DNAH11: variants seen among roughly 807,000 people sequenced by gnomAD.
DNAH11 encodes the protein dynein axonemal heavy chain 11, also known as axonemal beta dynein heavy chain 11.
Under a neutral mutation model 526.0 loss-of-function variants are expected in DNAH11, and 442 were observed. That is an observed-to-expected ratio of 0.84 (90% CI 0.78 to 0.91). The LOEUF (loss-of-function observed/expected upper bound fraction) is 0.91. DNAH11 is among the 40% of genes least tolerant of loss of function. The pLI, the probability that DNAH11 is intolerant of heterozygous loss-of-function variation, is 0.00. For missense variants in DNAH11, 6,989 were observed against 5,448.7 expected (o/e 1.28, Z -8.90); for synonymous variants, 2,461 against 1,935.9 (o/e 1.27, Z -7.12).
At chr7:21,578,084 A>G (rs1012035231) in intron 8 of DNAH11, among the ~76,000 whole-genome samples, 3 of 152,156 alleles carry the variant, frequency 2.0e-5, no homozygotes, top group African/African-American at 7.2e-5. Flanking sequence ...CCTTCTTCAC[A>G]TAGTGTTCAG....
chr7:21,613,915 A>C (rs150064560), intron 20 of DNAH11, among the ~76,000 whole-genome samples: 1 of 149,150 alleles, frequency 6.7e-6, no homozygotes, highest in African/African-American at 2.5e-5. Context: ...CTATAGGCAC[A>C]TGCCACCATG....
In DNAH11 at chr7:21,601,597, G is replaced by A. The variant is rs1212479400; in HGVS notation, c.3627G>A (p.Glu1209=). ...LLESYGQKMP[E]QVYIQLEELP... is the part of the protein sequence containing the mutation. ...AAAGCTATGGCCAGAAGATGCCTGAGCAGGTCTATATTCAGCTAGAGGTAA... is the reference window on the plus strand; with the variant it reads ...AAAGCTATGGCCAGAAGATGCCTGAACAGGTCTATATTCAGCTAGAGGTAA... The change falls in exon 18 of 82, where the codon GAG becomes GAA. Residue 1209 remains glutamate (E), a synonymous_variant. Transcript: ENST00000409508. 2 of 1,593,400 alleles carry A rather than the reference G, an allele frequency of 1.3e-6. No homozygotes were observed. Among genetic ancestry groups the A allele is most frequent in the Non-Finnish European group, 1.7e-6 (2 of 1,165,418 alleles).
intron 15 of DNAH11, 35 bp from the exon 16 acceptor site, chr7:21,600,641 T>G: frequency 1.3e-6 from 2 of 1,543,660 alleles, no homozygotes; most frequent in African/African-American, 1.4e-5. Context: ...TAAGGTTGGT[T>G]TGAATAGTAA....
Position 21,895,719 on chromosome 7 carries a change from A to G in DNAH11, c.13049+720A>G, listed in dbSNP as rs770043813. ...TAGTGGAGACTCTTTACATTGTAGC[A>G]TGCACACTTTTGACTTTTCTTTCTT... is the stretch of plus-strand genomic sequence containing the variant. On this transcript the variant is annotated intron_variant, in intron 79 of 81. Transcript: ENST00000409508. Among the ~76,000 whole-genome samples, 50 of 152,054 alleles carry G rather than the reference A, an allele frequency of 3.3e-4. 1 individual carries two copies. Among genetic ancestry groups the G allele is most frequent in the Non-Finnish European group, 5.4e-4 (37 of 68,006 alleles).
At chr7:21,693,289 C>G (rs759670004) in intron 35 of DNAH11, among the ~76,000 whole-genome samples, 1 of 152,180 alleles carries the variant, frequency 6.6e-6, no homozygotes, top group African/African-American at 2.4e-5. Context: ...AAATGCTAAA[C>G]AGTCCTTCGG....
intron 65 of DNAH11, among the ~76,000 whole-genome samples, chr7:21,819,330 T>C (rs891942346): frequency 2.6e-5 from 4 of 152,190 alleles, no homozygotes; most frequent in African/African-American, 9.7e-5. Flanking sequence ...CTTCTTGGTC[T>C]CTAACTGATT....
intron 28 of DNAH11, among the ~76,000 whole-genome samples, chr7:21,645,324 T>C (rs1392658067): frequency 6.6e-6 from 1 of 152,204 alleles, no homozygotes; most frequent in African/African-American, 2.4e-5. Context: ...TACTGTTCTT[T>C]CTGGAAACAA....
intron 40 of DNAH11, among the ~76,000 whole-genome samples, chr7:21,709,561 C>T (rs964979030): frequency 6.6e-6 from 1 of 152,142 alleles, no homozygotes; most frequent in Admixed American, 6.5e-5. Context: ...GCATGTGTAT[C>T]ATCTGAACCT....
intron 28 of DNAH11, among the ~76,000 whole-genome samples, chr7:21,643,608 A>T (rs115764372): frequency 2.0e-3 from 308 of 152,332 alleles, no homozygotes; most frequent in African/African-American, 7.2e-3. Context: ...ATTGCAATTG[A>T]TTTAAATCCA....
chr7:21,728,237 C>CTTTTT (rs71026816), intron 45 of DNAH11, among the ~76,000 whole-genome samples: 1 of 58,870 alleles, frequency 1.7e-5, no homozygotes, highest in African/African-American at 7.7e-5. Flanking sequence ...GCCCACAATT[C>CTTTTT]TTTTTTTTTT....
intron 81 of DNAH11, among the ~76,000 whole-genome samples, chr7:21,900,738 G>GAATTCTCTTCTCTTAGAATCCCATTTCAT (rs1784763675): frequency 2.3e-5 from 3 of 131,612 alleles, no homozygotes; most frequent in Non-Finnish European, 5.4e-5. Flanking sequence ...CAGTGTATGT[G>GAATTCTCTTCTCTTAGAATCCCATTTCAT]AATTCTCTTA....
chr7:21,843,269 A>C (rs1407164286), intron 66 of DNAH11, among the ~76,000 whole-genome samples: 1 of 152,188 alleles, frequency 6.6e-6, no homozygotes, highest in African/African-American at 2.4e-5. Flanking sequence ...ATAAAGATAA[A>C]ATCAGAAAAT....
chr7:21,727,022 C>T (rs1785148400), intron 45 of DNAH11, among the ~76,000 whole-genome samples: 1 of 136,852 alleles, frequency 7.3e-6, no homozygotes, highest in Non-Finnish European at 1.5e-5. Flanking sequence ...CAAGATCCAC[C>T]TCCGGGGTTC....
chr7:21,803,285 G>T (rs1789077283), intron 62 of DNAH11, among the ~76,000 whole-genome samples: 1 of 152,080 alleles, frequency 6.6e-6, no homozygotes, highest in African/African-American at 2.4e-5. Flanking sequence ...TACAAAAAAT[G>T]CTAAGGCTGG....
chr7:21,743,187 T>C (rs770852879), intron 49 of DNAH11, among the ~76,000 whole-genome samples: 28 of 152,266 alleles, frequency 1.8e-4, no homozygotes, highest in Non-Finnish European at 4.0e-4. Flanking sequence ...GGTAGATGTC[T>C]GGGCTCTTTA....
intron 18 of DNAH11, among the ~76,000 whole-genome samples, chr7:21,602,087 C>G (rs1385085810): frequency 6.6e-6 from 1 of 152,004 alleles, no homozygotes; most frequent in Non-Finnish European, 1.5e-5. Context: ...TGTCTGTAAT[C>G]CCAGCACTGT....
rs1035233132 is a variant in DNAH11, at chr7:21,665,496, A to G, written c.5328+6465A>G. Among the ~76,000 whole-genome samples the G allele has an allele frequency of 2.0e-5, 3 of 152,134 alleles. No homozygotes were observed. In the East Asian group the frequency reaches 5.8e-4, roughly 29 times the overall value. ...AAATTTACCTTCCCAATATCAGTGT[A>G]TAAGAAGTGTCCACTCCTTCCCCTG... On this transcript the variant is annotated intron_variant, in intron 30 of 81. Transcript: ENST00000409508.
intron 28 of DNAH11, among the ~76,000 whole-genome samples, chr7:21,642,204 T>G (rs1264397032): frequency 6.6e-6 from 1 of 152,218 alleles, no homozygotes; most frequent in Non-Finnish European, 1.5e-5. Flanking sequence ...ACATAAATTT[T>G]GAACAATTAA....
chr7:21,872,901 A>C (rs1235100946), intron 73 of DNAH11, among the ~76,000 whole-genome samples: 4 of 152,178 alleles, frequency 2.6e-5, no homozygotes, highest in African/African-American at 9.7e-5. Flanking sequence ...ATATTTTCTC[A>C]AACTAACCCC....
Sources: allele counts gnomAD v4.1 joint callset (sites outside exome capture counted in the v4.1 genomes callset), GRCh38; gene constraint gnomAD v4.1.1; transcripts MANE v1.5; gene names NCBI Gene and HGNC (gene_info 2026-07-23, HGNC 2026-07-21).